Variants in ZYG11A observed in about 807,000 individuals in gnomAD.
ZYG11A encodes protein zyg-11 homolog A.
A neutral mutation model predicts 77.2 loss-of-function variants in ZYG11A; 62 were observed. The observed-to-expected ratio is 0.80, with a 90% confidence interval of 0.65 to 0.99. The LOEUF is 0.99. ZYG11A is among the 50% of genes least tolerant of loss of function. The probability of loss-of-function intolerance (pLI) is 0.00; values close to 1 mark genes in which losing one functional copy is unlikely to be tolerated. For missense variants in ZYG11A, 828 were observed against 896.8 expected (o/e 0.92, Z 0.98); for synonymous variants, 315 against 324.6 (o/e 0.97, Z 0.32).
chr1:52,885,897 A>G lies in ZYG11A; in HGVS notation c.2006+3A>G. The G allele has an allele frequency of 1.3e-6, 2 of 1,536,350 alleles. No individual in the cohort carries two copies. Among genetic ancestry groups the G allele is most frequent in the East Asian group, 2.5e-5 (1 of 40,744 alleles). ...ATGACAGCATTGGTGACCTATAGGT[A>G]ATTTCATGGTGTTGTGCTTTTCTTC... On this transcript the variant is annotated splice_donor_region_variant and intron_variant, in intron 12 of 13. Coordinates refer to ENST00000371528, the MANE Select transcript of ZYG11A (RefSeq NM_001004339.3).
chr1:52,873,572 T>C (rs879399430), intron 8 of ZYG11A, among the ~76,000 whole-genome samples: 1 of 152,194 alleles, frequency 6.6e-6, no homozygotes, highest in Admixed American at 6.5e-5. Context: ...TGAGATGGAA[T>C]CTAGTTCTGG....
chr1:52,871,628 C>G, intron 8 of ZYG11A, among the ~76,000 whole-genome samples: 1 of 151,990 alleles, frequency 6.6e-6, no homozygotes, highest in Admixed American at 6.6e-5. Context: ...TCCTGAGTAG[C>G]TAACCACACC....
intron 5 of ZYG11A, among the ~76,000 whole-genome samples, chr1:52,864,846 T>G (rs1243462769): frequency 4.8e-5 from 7 of 144,700 alleles, no homozygotes; most frequent in Non-Finnish European, 7.5e-5. Flanking sequence ...TAGAGATGGG[T>G]TTCACCGTGT....
intron 9 of ZYG11A, 38 bp from the exon 10 acceptor site, chr1:52,877,887 A>G (rs766306923): frequency 1.7e-4 from 259 of 1,551,064 alleles, no homozygotes; most frequent in Admixed American, 3.0e-4. Flanking sequence ...TCTTCTCTTC[A>G]TGATAAAGTA....
chr1:52,867,229 C>T (rs1375017192), intron 6 of ZYG11A, among the ~76,000 whole-genome samples: 1 of 152,220 alleles, frequency 6.6e-6, no homozygotes, highest in Non-Finnish European at 1.5e-5. Flanking sequence ...TTACAAATTG[C>T]TACCACTCTG....
At chr1:52,887,797 T>G (rs1478311851) in intron 13 of ZYG11A, among the ~76,000 whole-genome samples, 3 of 152,036 alleles carry the variant, frequency 2.0e-5, no homozygotes, top group Non-Finnish European at 4.4e-5. Context: ...TCCCTTAAGC[T>G]CAGGATTTCG....
At position 52,860,819 on chromosome 1, in the gene ZYG11A, G is replaced by A. The variant is rs1357995326; in HGVS notation, c.1097G>A (p.Arg366Lys). 3 of 1,551,632 alleles carry A rather than the reference G, an allele frequency of 1.9e-6. No homozygotes were observed. The highest frequency in any genetic ancestry group is 1.2e-5 in the South Asian group (1 of 84,060). ...TGTTTTGTGAAGGAAGCCCTCCACAGGCTGTTCACAGAGACATTTTCAATG... is the reference window on the plus strand; with the variant it reads ...TGTTTTGTGAAGGAAGCCCTCCACAAGCTGTTCACAGAGACATTTTCAATG... ...RSCFVKEALH[R>K]LFTETFSMEV... is the part of the protein sequence containing the mutation. Residue 366 changes from arginine (R) to lysine (K), a missense_variant, in exon 4 of 14, where the codon AGG (arginine) becomes AAG (lysine). By Grantham distance (26) the Arg-to-Lys change is conservative (BLOSUM62 2). Coordinates refer to ENST00000371528, the MANE Select transcript of ZYG11A (RefSeq NM_001004339.3).
rs79762797 is a variant in ZYG11A at position 52,867,720 on chromosome 1, C to T, written c.1492-7C>T. 48,229 of 1,551,280 alleles carry T rather than the reference C, an allele frequency of 0.031. 1,390 individuals carry two copies. Among genetic ancestry groups the T allele is most frequent in the East Asian group, 0.19 (7,590 of 40,886 alleles). On this transcript the variant is annotated splice_polypyrimidine_tract_variant and splice_region_variant and intron_variant, in intron 7 of 13. Coordinates refer to ENST00000371528, the MANE Select transcript of ZYG11A (RefSeq NM_001004339.3). ...TAGTTCACTTGAGCCTTTCTGTTTG[C>T]TTATAGCTCTCACCTGAGCAAACGG...
chr1:52,875,908 AT>A (rs1048061182), intron 8 of ZYG11A, among the ~76,000 whole-genome samples: 1 of 151,370 alleles, frequency 6.6e-6, no homozygotes, highest in African/African-American at 2.4e-5. Context: ...AAGTTTGAAG[AT>A]TCAAGTTTGA....
chr1:52,856,903 T>C, intron 2 of ZYG11A, 95 bp from the exon 3 acceptor site: 1 of 1,289,222 alleles, frequency 7.8e-7, no homozygotes, highest in Non-Finnish European at 1.0e-6. Flanking sequence ...TCATTATTGT[T>C]ATTATTAACA....
intron 11 of ZYG11A, among the ~76,000 whole-genome samples, chr1:52,883,393 G>T (rs529198829): frequency 3.3e-5 from 5 of 151,518 alleles, no homozygotes; most frequent in Non-Finnish European, 7.4e-5. Flanking sequence ...TGAAGTGCTA[G>T]GATTACAGGT....
intron 3 of ZYG11A, among the ~76,000 whole-genome samples, chr1:52,858,946 T>C (rs1020342050): frequency 6.6e-6 from 1 of 152,202 alleles, no homozygotes; most frequent in Admixed American, 6.5e-5. Context: ...ACTCTTTCTT[T>C]ATAATAATAC....
rs1474126366 is a variant in ZYG11A, at chr1:52,854,558, C to A, written c.184C>A (p.Leu62Met). The part of the protein sequence containing the change: ...KLCSERPDGT[L>M]CLPEHWSFPQ... ...GTGTTCTGAAAGACCTGATGGAACACTGTGCCTTCCGGAGCATTGGAGTTT... is the reference window on the plus strand; with the variant it reads ...GTGTTCTGAAAGACCTGATGGAACAATGTGCCTTCCGGAGCATTGGAGTTT... The change falls in exon 2 of 14, where the codon CTG (leucine) becomes ATG (methionine). Residue 62 changes from leucine (L) to methionine (M), a missense_variant. Leu to Met is a conservative substitution (Grantham distance 15). Transcript: ENST00000371528. 4 of 1,551,228 alleles carry A rather than the reference C, an allele frequency of 2.6e-6. No homozygotes were observed. Among genetic ancestry groups the A allele is most frequent in the Non-Finnish European group, 3.5e-6 (4 of 1,146,592 alleles).
At chr1:52,854,755 C>A in intron 2 of ZYG11A, 125 bp downstream of exon 2, 1 of 1,014,672 alleles carries the variant, frequency 9.9e-7, no homozygotes, top group Non-Finnish European at 1.3e-6. Flanking sequence ...GAAGTTGAGA[C>A]TCACTCTTTC....
intron 1 of ZYG11A, among the ~76,000 whole-genome samples, chr1:52,845,635 ATTTTTTTTTT>A (rs34141053): frequency 7.2e-6 from 1 of 139,298 alleles, no homozygotes; most frequent in Non-Finnish European, 1.5e-5. Context: ...TTATTTTTGA[ATTTTTTTTTT>A]TTTTTTTTTA....
intron 5 of ZYG11A, among the ~76,000 whole-genome samples, chr1:52,865,482 T>C (rs1463766013): frequency 6.6e-6 from 1 of 152,250 alleles, no homozygotes; most frequent in Non-Finnish European, 1.5e-5. Flanking sequence ...TTACTGAAGA[T>C]AAATGAAAGC....
chr1:52,879,654 T>C (rs1332494756), intron 10 of ZYG11A, among the ~76,000 whole-genome samples: 1 of 152,140 alleles, frequency 6.6e-6, no homozygotes, highest in East Asian at 1.9e-4. Context: ...TGAAAAGGAA[T>C]GGGAAATAAT....
chr1:52,857,799 A>T (rs1165721926), intron 3 of ZYG11A, 50 bp downstream of exon 3: 24 of 1,467,104 alleles, frequency 1.6e-5, no homozygotes, highest in Middle Eastern at 1.8e-4. Flanking sequence ...GAACATTATT[A>T]AACTCGTGCT....
At chr1:52,883,313 A>G (rs1460154479) in intron 11 of ZYG11A, among the ~76,000 whole-genome samples, 1 of 151,848 alleles carries the variant, frequency 6.6e-6, no homozygotes, top group East Asian at 1.9e-4. Context: ...TTTAGTAGAG[A>G]CGATTTCACC....
Sources: gnomAD v4.1 joint callset for allele counts (sites outside exome capture counted in the v4.1 genomes callset) on GRCh38, gnomAD v4.1.1 for gene constraint, MANE v1.5 for transcripts, NCBI Gene and HGNC (gene_info 2026-07-23, HGNC 2026-07-21) for gene names.